MRTFB: variants seen among roughly 807,000 people sequenced by gnomAD.
MRTFB encodes myocardin-related transcription factor B.
MRTFB carries 29 observed loss-of-function variants against 104.2 expected under a neutral mutation model. The ratio of observed to expected loss-of-function variants is 0.28; its 90% CI spans 0.21 to 0.38. The LOEUF (loss-of-function observed/expected upper bound fraction) is 0.38, where lower values mean the gene tolerates loss of function less well. Ranked by LOEUF, MRTFB falls within the 10% of genes least tolerant of loss-of-function variation. MRTFB has a pLI of 1.00. For synonymous variants in MRTFB, 535 were observed against 519.5 expected (o/e 1.03, Z -0.41); for missense variants, 1,270 against 1,341.6 (o/e 0.95, Z 0.83).
chr16:14,013,418 C>T, the MRTFB span: 1 of 152,194 alleles, frequency 6.6e-6, no homozygotes, highest in African/African-American at 2.4e-5. Flanking sequence ...CCTCTTGTCA[C>T]CAGCTCTTGG....
At chr16:14,218,248 A>G (rs1263174178) in intron 7 of MRTFB, among the ~76,000 whole-genome samples, 2 of 151,948 alleles carry the variant, frequency 1.3e-5, no homozygotes, top group Non-Finnish European at 2.9e-5. Flanking sequence ...TTTAGCAGAG[A>G]CGGGGTTTCA....
At chr16:14,228,575 C>CGA (rs1555455353) in intron 8 of MRTFB, among the ~76,000 whole-genome samples, 1 of 135,096 alleles carries the variant, frequency 7.4e-6, no homozygotes, top group Non-Finnish European at 1.6e-5. Flanking sequence ...GACTCCGTCC[C>CGA]AAAAAAAAAA....
At chr16:14,256,744 C>T (rs2043512137) in intron 15 of MRTFB, among the ~76,000 whole-genome samples, 1 of 152,194 alleles carries the variant, frequency 6.6e-6, no homozygotes, top group Non-Finnish European at 1.5e-5. Context: ...CATTCCTGAC[C>T]CACAAAACTG....
At position 14,240,326 on chromosome 16, in the gene MRTFB, A is replaced by C. The variant is rs114358431; in HGVS notation, c.921A>C (p.Gln307His). 1.2e-6 allele frequency: 2 copies of C among 1,614,238 alleles called. No individual in the cohort carries two copies. The highest frequency in any genetic ancestry group is 1.7e-6 in the Non-Finnish European group (2 of 1,180,034). Residue 307 changes from glutamine to histidine, a missense_variant, in exon 10 of 17, where the codon CAA becomes CAC. Physicochemically the swap from Gln to His is conservative, Grantham distance 24. Coordinates refer to ENST00000571589, the MANE Select transcript of MRTFB (RefSeq NM_001308142.2). ...GGGTAAAGAAGTTAAAGTACCACCA[A>C]TACATTCCACCAGATCAGAAGGGTG... ...KPRVKKLKYH[Q>H]YIPPDQKGEK...
chr16:14,079,185 G>T, intron 1 of MRTFB, 105 bp from the exon 2 acceptor site: 10 of 280,476 alleles, frequency 3.6e-5, no homozygotes, highest in Non-Finnish European at 6.0e-5. Context: ...CTTCGATTTT[G>T]TTATTTCCAG....
chr16:14,249,991 G>T (rs539324807), intron 13 of MRTFB, among the ~76,000 whole-genome samples: 1 of 152,256 alleles, frequency 6.6e-6, no homozygotes, highest in Non-Finnish European at 1.5e-5. Context: ...ACTGAGTTTG[G>T]GGAAAGCTCG....
At chr16:14,080,435 T>C (rs1221901536) in intron 2 of MRTFB, among the ~76,000 whole-genome samples, 1 of 152,252 alleles carries the variant, frequency 6.6e-6, no homozygotes, top group Admixed American at 6.5e-5. Context: ...GTGGAATGTT[T>C]CAATCTAGCT....
chr16:14,178,594 T>C (rs2039663902), intron 3 of MRTFB, among the ~76,000 whole-genome samples: 1 of 152,172 alleles, frequency 6.6e-6, no homozygotes, highest in African/African-American at 2.4e-5. Flanking sequence ...TAAGAGAGCG[T>C]TGTGTAAGCC....
At chr16:14,052,150 G>T in the MRTFB span, among the ~76,000 whole-genome samples, 1 of 152,062 alleles carries the variant, frequency 6.6e-6, no homozygotes, top group Non-Finnish European at 1.5e-5. Flanking sequence ...TGCATGGGGG[G>T]GTGCTGATGT....
chr16:14,234,371 C>A, intron 9 of MRTFB, 88 bp downstream of exon 9: 1 of 1,449,026 alleles, frequency 6.9e-7, no homozygotes, highest in Non-Finnish European at 9.3e-7. Flanking sequence ...GGCATTTATC[C>A]AACTTGCTCA....
the MRTFB span, among the ~76,000 whole-genome samples, chr16:14,043,117 T>G: frequency 6.6e-6 from 1 of 152,190 alleles, no homozygotes; most frequent in Admixed American, 6.5e-5. Flanking sequence ...TCATTTTATT[T>G]TATTTTTAAA....
At chr16:14,230,428 A>C (rs958288428) in intron 8 of MRTFB, among the ~76,000 whole-genome samples, 1 of 152,168 alleles carries the variant, frequency 6.6e-6, no homozygotes, top group African/African-American at 2.4e-5. Context: ...ACTCAAACAA[A>C]TTTACAAGAA....
intron 11 of MRTFB, among the ~76,000 whole-genome samples, chr16:14,245,929 T>C (rs1264746631): frequency 1.3e-5 from 2 of 152,190 alleles, no homozygotes; most frequent in African/African-American, 2.4e-5. Context: ...TCTTCCCTGC[T>C]CAATGCCAAG....
the MRTFB span, among the ~76,000 whole-genome samples, chr16:14,011,279 G>A: frequency 2.6e-5 from 4 of 152,248 alleles, no homozygotes; most frequent in Non-Finnish European, 2.9e-5. Flanking sequence ...GAAGAAAGCA[G>A]CTGGTTCTGG....
intron 2 of MRTFB, among the ~76,000 whole-genome samples, chr16:14,119,812 G>A (rs944631486): frequency 6.6e-6 from 1 of 152,096 alleles, no homozygotes; most frequent in African/African-American, 2.4e-5. Flanking sequence ...TAATGGCCTC[G>A]CATAGCAGCT....
intron 2 of MRTFB, among the ~76,000 whole-genome samples, chr16:14,093,753 ATCC>A (rs949498487): frequency 1.3e-5 from 2 of 152,222 alleles, no homozygotes; most frequent in African/African-American, 4.8e-5. Flanking sequence ...TGAGGTCAAA[ATCC>A]TGGGTTTGAG....
the MRTFB span, among the ~76,000 whole-genome samples, chr16:14,000,533 A>G: frequency 6.6e-6 from 1 of 152,250 alleles, no homozygotes; most frequent in African/African-American, 2.4e-5. Context: ...TCCCCAAATC[A>G]CACAGCTTTT....
At chr16:14,204,250 A>T (rs1195782985) in intron 3 of MRTFB, among the ~76,000 whole-genome samples, 1 of 152,208 alleles carries the variant, frequency 6.6e-6, no homozygotes, top group Non-Finnish European at 1.5e-5. Context: ...CACTGGGATT[A>T]CAGGCATGAA....
chr16:14,090,890 GT>G (rs2035019363), intron 2 of MRTFB, among the ~76,000 whole-genome samples: 1 of 150,118 alleles, frequency 6.7e-6, no homozygotes, highest in Non-Finnish European at 1.5e-5. Flanking sequence ...GTGTGTGTGT[GT>G]GTGTGTGTGT....
Sources: allele counts gnomAD v4.1 joint callset (sites outside exome capture counted in the v4.1 genomes callset), GRCh38; gene constraint gnomAD v4.1.1; transcripts MANE v1.5; gene names NCBI Gene and HGNC (gene_info 2026-07-23, HGNC 2026-07-21).